The following KDM4C variants were observed in gnomAD, a reference collection of about 807,000 sequenced individuals.
KDM4C encodes the protein lysine-specific demethylase 4C.
A neutral mutation model predicts 129.3 loss-of-function variants in KDM4C; 81 were observed. The ratio of observed to expected loss-of-function variants is 0.63; its 90% CI spans 0.52 to 0.75. The LOEUF (loss-of-function observed/expected upper bound fraction) is 0.75, where lower values mean the gene tolerates loss of function less well. KDM4C is among the 30% of genes least tolerant of loss of function. The probability of loss-of-function intolerance (pLI) is 0.00; values close to 1 mark genes in which losing one functional copy is unlikely to be tolerated. For synonymous variants in KDM4C, 573 were observed against 456.1 expected, an observed-to-expected ratio of 1.26 and a Z score of -3.26; for missense variants, 1,457 against 1,304.0, an observed-to-expected ratio of 1.12 and a Z score of -1.81.
At position 6,792,904 on chromosome 9, in the gene KDM4C, C is replaced by A. The variant is rs544234865; in HGVS notation, c.-17-68C>A. 1.6e-4 allele frequency: 243 copies of A among 1,488,132 alleles called. 1 individual carries two copies. Among genetic ancestry groups the A allele is most frequent in the Middle Eastern group, 7.0e-4 (4 of 5,720 alleles). 92.2% of individuals were successfully genotyped at this position (1,488,132 alleles called of 1,614,324 possible). On this transcript the variant is annotated intron_variant, in intron 1 of 21. Coordinates refer to ENST00000381309, the MANE Select transcript of KDM4C (RefSeq NM_015061.6). The stretch of plus-strand genomic sequence containing the variant: ...GGTTCCTGCTGGGGGAGCTGACATA[C>A]TATTTGTTAAAAATGACCTAAAGCA...
chr9:6,921,635 C>T (rs958199801), intron 8 of KDM4C, among the ~76,000 whole-genome samples: 3 of 152,158 alleles, frequency 2.0e-5, no homozygotes, highest in African/African-American at 7.2e-5. Context: ...ATTCTTTATT[C>T]GGCAGCCAGC....
chr9:6,769,784 T>C (rs2130591738), intron 1 of KDM4C, among the ~76,000 whole-genome samples: 1 of 152,346 alleles, frequency 6.6e-6, no homozygotes, highest in Non-Finnish European at 1.5e-5. Context: ...CACATTTGTT[T>C]TGCTGTTTAA....
chr9:6,849,641 C>T lies in KDM4C; in HGVS notation c.570C>T (p.His190=). Residue 190 remains histidine (H), a synonymous_variant, in exon 5 of 22, where the codon CAC becomes CAT. Coordinates refer to ENST00000381309, the MANE Select transcript of KDM4C (RefSeq NM_015061.6). Reference sequence around the variant, plus strand: ...TGTGGAAGACCACGTTTGCATGGCACACCGAAGACATGGACCTCTATAGCA... The same window carrying T: ...TGTGGAAGACCACGTTTGCATGGCATACCGAAGACATGGACCTCTATAGCA... The part of the protein sequence containing the change: ...FGMWKTTFAW[H]TEDMDLYSIN... 1.2e-6 allele frequency: 2 copies of T among 1,613,704 alleles called. No individual in the cohort carries two copies. Among genetic ancestry groups the T allele is most frequent in the Non-Finnish European group, 1.7e-6 (2 of 1,179,690 alleles).
At chr9:6,823,194 T>C (rs1339868578) in intron 4 of KDM4C, among the ~76,000 whole-genome samples, 1 of 152,216 alleles carries the variant, frequency 6.6e-6, no homozygotes, top group African/African-American at 2.4e-5. Flanking sequence ...CGGTGACACA[T>C]AGCTCCTCCT....
chr9:7,020,391 C>T (rs1023486382), intron 15 of KDM4C, among the ~76,000 whole-genome samples: 1 of 152,180 alleles, frequency 6.6e-6, no homozygotes, highest in Admixed American at 6.5e-5. Context: ...AATAAATAGG[C>T]ACAACTATCT....
At chr9:6,924,771 TAA>T in intron 8 of KDM4C, 1 of 983,662 alleles carries the variant, frequency 1.0e-6, no homozygotes, top group African/African-American at 1.7e-5. Context: ...TTAAAATGTT[TAA>T]AGTTATTTTC....
At chr9:6,881,248 T>C (rs894083116) in intron 6 of KDM4C, among the ~76,000 whole-genome samples, 9 of 152,234 alleles carry the variant, frequency 5.9e-5, no homozygotes, top group South Asian at 2.1e-4. Flanking sequence ...GGAACAGTTA[T>C]AGTATTACAT....
chr9:7,055,013 C>A (rs907924911), intron 17 of KDM4C, among the ~76,000 whole-genome samples: 10 of 152,120 alleles, frequency 6.6e-5, no homozygotes, highest in African/African-American at 2.2e-4. Context: ...CCCATCTCTA[C>A]TAAAAATACA....
chr9:6,875,121 C>T (rs1201731969), intron 5 of KDM4C, among the ~76,000 whole-genome samples: 1 of 152,108 alleles, frequency 6.6e-6, no homozygotes, highest in Non-Finnish European at 1.5e-5. Flanking sequence ...ATTTTTTCAT[C>T]TTCCCGTTTC....
chr9:6,733,466 C>CCT (rs1563916217), intron 1 of KDM4C, among the ~76,000 whole-genome samples: 1 of 152,196 alleles, frequency 6.6e-6, no homozygotes, highest in African/African-American at 2.4e-5. Context: ...TCACCCAGTA[C>CCT]TGAGAGATCA....
At chr9:6,986,738 G>A in intron 11 of KDM4C, 72 bp downstream of exon 11, 1 of 1,096,330 alleles carries the variant, frequency 9.1e-7, no homozygotes, top group Non-Finnish European at 1.3e-6. Flanking sequence ...AACATGCTGT[G>A]CACTGAAATC....
intron 18 of KDM4C, among the ~76,000 whole-genome samples, chr9:7,119,028 A>G (rs1052849855): frequency 6.6e-5 from 10 of 152,170 alleles, no homozygotes; most frequent in African/African-American, 2.4e-4. Context: ...GTCTCTGTCA[A>G]AAACTCAGTG....
intron 2 of KDM4C, among the ~76,000 whole-genome samples, chr9:6,795,367 T>TG (rs1827533271): frequency 1.3e-5 from 2 of 152,234 alleles, no homozygotes. Flanking sequence ...AGTCTCGCTC[T>TG]GTTGCCCAGG....
intron 8 of KDM4C, among the ~76,000 whole-genome samples, chr9:6,904,911 T>C (rs1449567533): frequency 6.6e-6 from 1 of 152,088 alleles, no homozygotes; most frequent in Non-Finnish European, 1.5e-5. Context: ...AAAACCTAGC[T>C]TGGTTTCTAA....
intron 8 of KDM4C, among the ~76,000 whole-genome samples, chr9:6,946,496 T>C (rs1214761558): frequency 6.6e-6 from 1 of 152,152 alleles, no homozygotes; most frequent in Admixed American, 6.5e-5. Flanking sequence ...ACATTTCTTT[T>C]ATTGTCACAA....
intron 12 of KDM4C, among the ~76,000 whole-genome samples, chr9:6,998,266 T>A (rs1446589055): frequency 6.6e-6 from 1 of 152,212 alleles, no homozygotes; most frequent in Non-Finnish European, 1.5e-5. Flanking sequence ...TATATAATAT[T>A]TTATTCAGTA....
chr9:6,761,798 C>T (rs116873418), intron 1 of KDM4C, among the ~76,000 whole-genome samples: 1,860 of 152,034 alleles, frequency 0.012, 11 homozygotes, highest in Non-Finnish European at 0.019. Flanking sequence ...TGCTTCTCTC[C>T]CAACCTCTGT....
At chr9:6,949,768 T>C (rs1345760469) in intron 8 of KDM4C, among the ~76,000 whole-genome samples, 4 of 151,902 alleles carry the variant, frequency 2.6e-5, no homozygotes, top group Admixed American at 6.6e-5. Flanking sequence ...GGCAGGGAGG[T>C]TGCAGTGAGC....
intron 4 of KDM4C, among the ~76,000 whole-genome samples, chr9:6,829,044 C>G (rs1439936213): frequency 6.6e-6 from 1 of 152,106 alleles, no homozygotes; most frequent in East Asian, 1.9e-4. Flanking sequence ...TCTGAGTGAT[C>G]GATGATTGTG....
Sources: allele counts gnomAD v4.1 joint callset (sites outside exome capture counted in the v4.1 genomes callset), GRCh38; gene constraint gnomAD v4.1.1; transcripts MANE v1.5; gene names NCBI Gene and HGNC (gene_info 2026-07-23, HGNC 2026-07-21).